The following CRPPA variants were observed in gnomAD, a reference collection of about 807,000 sequenced individuals.
CRPPA encodes D-ribitol-5-phosphate cytidylyltransferase.
CRPPA carries 43 observed loss-of-function variants against 52.0 expected under a neutral mutation model. That is an observed-to-expected ratio of 0.83 (90% CI 0.65 to 1.07). The LOEUF (loss-of-function observed/expected upper bound fraction) is 1.07, where lower values mean the gene tolerates loss of function less well. Among genes scored for constraint, CRPPA ranks in the 50% least tolerant of loss-of-function variants. CRPPA has a pLI of 0.00. For missense variants in CRPPA, 629 were observed against 551.7 expected, an observed-to-expected ratio of 1.14 and a Z score of -1.40; for synonymous variants, 250 against 203.5, an observed-to-expected ratio of 1.23 and a Z score of -1.94.
chr7:16,170,769 G>A (rs376301907), intron 9 of CRPPA, among the ~76,000 whole-genome samples: 1 of 152,198 alleles, frequency 6.6e-6, no homozygotes, highest in African/African-American at 2.4e-5. Context: ...GCGGGGTACA[G>A]GTGGGCCAGC....
chr7:16,383,948 C>T (rs772549402), intron 2 of CRPPA, among the ~76,000 whole-genome samples: 4 of 152,344 alleles, frequency 2.6e-5, no homozygotes, highest in Middle Eastern at 3.4e-3. Flanking sequence ...TTGCACTTCT[C>T]GAGTGAGGCA....
chr7:16,399,796 A>C (rs891865560), intron 2 of CRPPA, among the ~76,000 whole-genome samples: 4 of 152,208 alleles, frequency 2.6e-5, no homozygotes, highest in Non-Finnish European at 5.9e-5. Flanking sequence ...CACGTGACCA[A>C]CACGTGACTG....
intron 8 of CRPPA, among the ~76,000 whole-genome samples, chr7:16,257,251 T>C (rs1783669160): frequency 6.6e-6 from 1 of 152,134 alleles, no homozygotes; most frequent in African/African-American, 2.4e-5. Flanking sequence ...CTCATCACCA[T>C]ATCTGGGAAC....
At chr7:16,274,462 G>A (rs777533219) in intron 6 of CRPPA, among the ~76,000 whole-genome samples, 35 of 152,150 alleles carry the variant, frequency 2.3e-4, no homozygotes, top group Non-Finnish European at 4.4e-4. Flanking sequence ...TAGCAGGAAC[G>A]ATATCTCCTT....
At chr7:16,231,303 C>T (rs1052391535) in intron 8 of CRPPA, among the ~76,000 whole-genome samples, 9 of 152,186 alleles carry the variant, frequency 5.9e-5, no homozygotes, top group East Asian at 3.9e-4. Context: ...CCCTTGTGAA[C>T]GTATTTTCAC....
intron 3 of CRPPA, among the ~76,000 whole-genome samples, chr7:16,348,788 C>G (rs1413515290): frequency 1.3e-5 from 2 of 152,190 alleles, no homozygotes; most frequent in Non-Finnish European, 2.9e-5. Flanking sequence ...AGCCTTTCCT[C>G]TGGTTCACCC....
chr7:16,176,483 C>T (rs1479869223), intron 9 of CRPPA, among the ~76,000 whole-genome samples: 1 of 152,092 alleles, frequency 6.6e-6, no homozygotes, highest in East Asian at 1.9e-4. Context: ...TACCATTACA[C>T]ACCTATGAGA....
At chr7:16,120,846 G>T (rs1187327873) in intron 9 of CRPPA, among the ~76,000 whole-genome samples, 1 of 143,538 alleles carries the variant, frequency 7.0e-6, no homozygotes, top group Non-Finnish European at 1.6e-5. Flanking sequence ...TAATAATTCT[G>T]AAAAGATAAG....
At chr7:16,402,988 AAAC>A (rs779442140) in intron 2 of CRPPA, among the ~76,000 whole-genome samples, 14 of 152,318 alleles carry the variant, frequency 9.2e-5, no homozygotes, top group Non-Finnish European at 1.5e-4. Context: ...CACAGAGACT[AAAC>A]AACACATAGG....
intron 9 of CRPPA, among the ~76,000 whole-genome samples, chr7:16,209,773 C>A (rs892584183): frequency 1.3e-5 from 2 of 152,126 alleles, no homozygotes; most frequent in African/African-American, 4.8e-5. Flanking sequence ...ATATTCATTT[C>A]ATTAGATTTT....
intron 8 of CRPPA, among the ~76,000 whole-genome samples, chr7:16,216,874 G>A (rs1201871918): frequency 8.5e-5 from 13 of 152,118 alleles, no homozygotes; most frequent in Non-Finnish European, 1.2e-4. Flanking sequence ...AGGGGCGCCC[G>A]CCATTGCCCA....
chr7:16,225,448 C>A (rs1273393747), intron 8 of CRPPA, among the ~76,000 whole-genome samples: 2 of 151,886 alleles, frequency 1.3e-5, no homozygotes, highest in Admixed American at 6.6e-5. Flanking sequence ...AAGTTAAGAA[C>A]AATCCCACTG....
intron 3 of CRPPA, among the ~76,000 whole-genome samples, chr7:16,358,912 T>C (rs183394091): frequency 2.6e-4 from 40 of 152,330 alleles, no homozygotes; most frequent in South Asian, 2.5e-3. Context: ...CCACAAAGAA[T>C]GTCAGTAAAA....
intron 2 of CRPPA, among the ~76,000 whole-genome samples, chr7:16,386,979 C>T (rs2128314002): frequency 6.7e-6 from 1 of 149,636 alleles, no homozygotes; most frequent in Non-Finnish European, 1.5e-5. Context: ...GAGATTGTGC[C>T]ATTACACTCC....
chr7:16,354,003 AT>A (rs980972474), intron 3 of CRPPA, among the ~76,000 whole-genome samples: 6 of 152,214 alleles, frequency 3.9e-5, no homozygotes, highest in African/African-American at 7.2e-5. Flanking sequence ...TATCAAAAAA[AT>A]AACCAAACTT....
intron 2 of CRPPA, among the ~76,000 whole-genome samples, chr7:16,401,387 A>G (rs955499764): frequency 6.6e-6 from 1 of 152,212 alleles, no homozygotes; most frequent in Non-Finnish European, 1.5e-5. Flanking sequence ...CAGAGGAAAA[A>G]TTAGCCAGAC....
intron 9 of CRPPA, among the ~76,000 whole-genome samples, chr7:16,186,817 A>C (rs1781513287): frequency 1.3e-5 from 2 of 152,130 alleles, no homozygotes; most frequent in African/African-American, 4.8e-5. Flanking sequence ...ACAGAGCAAA[A>C]TCTAGAAAAC....
intron 2 of CRPPA, among the ~76,000 whole-genome samples, chr7:16,397,757 G>A (rs966594339): frequency 4.6e-5 from 7 of 152,190 alleles, no homozygotes; most frequent in Non-Finnish European, 7.3e-5. Flanking sequence ...GACACGATTG[G>A]CACGTGATTG....
At chr7:16,104,143 A>G (rs1475550206) in intron 9 of CRPPA, among the ~76,000 whole-genome samples, 3 of 152,196 alleles carry the variant, frequency 2.0e-5, no homozygotes, top group Non-Finnish European at 4.4e-5. Context: ...GTTGTTTACC[A>G]TTATGTTAGA....
Sources: gnomAD v4.1 joint callset for allele counts (sites outside exome capture counted in the v4.1 genomes callset) on GRCh38, gnomAD v4.1.1 for gene constraint, MANE v1.5 for transcripts, NCBI Gene and HGNC (gene_info 2026-07-23, HGNC 2026-07-21) for gene names.